The following LRTM3 variants were observed in gnomAD, a reference collection of about 807,000 sequenced individuals.
LRTM3 encodes the protein leucine-rich repeat transmembrane protein 3.
the LRTM3 span, chr13:102,734,926 T>C: frequency 6.4e-7 from 1 of 1,551,182 alleles, no homozygotes; most frequent in Non-Finnish European, 8.7e-7. Flanking sequence ...GTAGATAGAT[T>C]AAAATATCAC....
the LRTM3 span, chr13:102,731,862 CTG>C: frequency 6.5e-7 from 1 of 1,549,882 alleles, no homozygotes; most frequent in Middle Eastern, 1.7e-4. Context: ...GATGGACACT[CTG>C]TGGGTGTCAG....
the LRTM3 span, chr13:102,742,938 C>A: frequency 6.5e-7 from 1 of 1,548,606 alleles, no homozygotes; most frequent in Non-Finnish European, 8.7e-7. Flanking sequence ...TCCATCCTTG[C>A]GAGCCCAACT....
At chr13:102,755,573 C>T in the LRTM3 span, among the ~76,000 whole-genome samples, 1 of 152,068 alleles carries the variant, frequency 6.6e-6, no homozygotes, top group African/African-American at 2.4e-5. Flanking sequence ...ACCGCATGTT[C>T]TCACTCCTAA....
chr13:102,731,536 A>G, the LRTM3 span: 2 of 1,551,324 alleles, frequency 1.3e-6, no homozygotes, highest in Non-Finnish European at 1.7e-6. Context: ...TTGTATCTGG[A>G]CCCTCTGGAA....
the LRTM3 span, chr13:102,739,569 T>C: frequency 9.0e-6 from 14 of 1,550,170 alleles, no homozygotes; most frequent in African/African-American, 1.4e-5. Context: ...CCTTCTTGCA[T>C]CTTGCCCTCT....
At chr13:102,735,417 C>T in the LRTM3 span, 282 of 1,551,266 alleles carry the variant, frequency 1.8e-4, no homozygotes, top group Non-Finnish European at 2.2e-4. Flanking sequence ...ATTCTTATCA[C>T]GTTCTCCTGT....
the LRTM3 span, chr13:102,744,033 C>T: frequency 1.3e-6 from 2 of 1,550,392 alleles, no homozygotes; most frequent in Non-Finnish European, 1.7e-6. Context: ...AAGAGTTTAT[C>T]AATCATTGAT....
chr13:102,729,641 CAGGCAA>C, the LRTM3 span: 1 of 1,549,120 alleles, frequency 6.5e-7, no homozygotes. Context: ...TGCCGGTACA[CAGGCAA>C]AAAAAAAGGG....
the LRTM3 span, chr13:102,743,570 A>T: frequency 1.9e-6 from 3 of 1,549,794 alleles, no homozygotes; most frequent in South Asian, 1.2e-5. Context: ...TATTGTGTTT[A>T]TCTGGTTTTT....
the LRTM3 span, chr13:102,733,840 G>A: frequency 5.8e-3 from 9,075 of 1,551,360 alleles, 423 homozygotes; most frequent in African/African-American, 0.11. Context: ...CTGCCTCTGG[G>A]CGGGGCACAT....
the LRTM3 span, chr13:102,741,704 G>A: frequency 6.5e-7 from 1 of 1,550,322 alleles, no homozygotes; most frequent in Non-Finnish European, 8.7e-7. Flanking sequence ...CTGTCCTTTT[G>A]AGTTTAGTGG....
At chr13:102,735,040 A>T in the LRTM3 span, 2 of 1,551,176 alleles carry the variant, frequency 1.3e-6, no homozygotes, top group Non-Finnish European at 1.7e-6. Flanking sequence ...TTTCCTCCTG[A>T]AACCCTGTAT....
At chr13:102,758,623 A>T in the LRTM3 span, 6 of 1,519,190 alleles carry the variant, frequency 3.9e-6, no homozygotes, top group Non-Finnish European at 4.4e-6. Context: ...CGGAGTATCA[A>T]AATTCAAAAA....
the LRTM3 span, chr13:102,733,294 C>T: frequency 6.4e-7 from 1 of 1,551,322 alleles, no homozygotes; most frequent in African/African-American, 1.4e-5. Context: ...GTGGTGCTAA[C>T]ACTTTGGGAG....
chr13:102,734,272 A>G, the LRTM3 span: 1 of 1,551,320 alleles, frequency 6.4e-7, no homozygotes, highest in Non-Finnish European at 8.7e-7. Flanking sequence ...TTGCCTCTGC[A>G]TCTGCTGTTT....
the LRTM3 span, among the ~76,000 whole-genome samples, chr13:102,756,694 A>C: frequency 1.2e-5 from 1 of 83,686 alleles, no homozygotes; most frequent in Non-Finnish European, 2.3e-5. Flanking sequence ...AAAAAAAAAA[A>C]ACAAAAAAAC....
At chr13:102,736,175 GGAGA>G in the LRTM3 span, 1 of 1,547,190 alleles carries the variant, frequency 6.5e-7, no homozygotes, top group East Asian at 2.4e-5. Context: ...TGGTTGTGAA[GGAGA>G]GAATCTATGG....
the LRTM3 span, chr13:102,748,818 G>A: frequency 6.4e-7 from 1 of 1,550,500 alleles, no homozygotes; most frequent in East Asian, 2.4e-5. Context: ...GATTGTTCTA[G>A]CTGAGGTAAC....
chr13:102,739,259 A>G, the LRTM3 span: 1 of 1,550,344 alleles, frequency 6.5e-7, no homozygotes, highest in Non-Finnish European at 8.7e-7. Flanking sequence ...CTTTCCTTTC[A>G]AAGTGATACA....
Sources: allele counts gnomAD v4.1 joint callset (sites outside exome capture counted in the v4.1 genomes callset), GRCh38; gene constraint gnomAD v4.1.1; transcripts MANE v1.5; gene names NCBI Gene and HGNC (gene_info 2026-07-23, HGNC 2026-07-21).